The following FAS variants were observed in gnomAD, a reference collection of about 807,000 sequenced individuals.
FAS encodes Fas cell surface death receptor.
In FAS, 5 loss-of-function variants were observed where a neutral mutation model predicts 33.2. The observed-to-expected ratio is 0.15, with a 90% confidence interval of 0.08 to 0.32. The LOEUF is 0.32. Ranked by LOEUF, FAS falls within the 10% of genes least tolerant of loss-of-function variation. The pLI, the probability that FAS is intolerant of heterozygous loss-of-function variation, is 1.00. For synonymous variants in FAS, 131 were observed against 130.7 expected (o/e 1.00, Z -0.01); for missense variants, 339 against 386.0 (o/e 0.88, Z 1.02).
intron 1 of FAS, among the ~76,000 whole-genome samples, chr10:88,972,524 C>T (rs1846471223): frequency 6.6e-6 from 1 of 151,820 alleles, no homozygotes; most frequent in African/African-American, 2.4e-5. Context: ...TCTCTTTCTT[C>T]TCTCCTGCCT....
rs776992408 is a variant in FAS at position 89,014,437 on chromosome 10, A to G, written c.995A>G (p.Gln332Arg). ...SENSNFRNEI[Q>R]SLV ...AATTCAAACTTCAGAAATGAAATCC[A>G]AAGCTTGGTCTAGAGTGAAAAACAA... Residue 332 changes from glutamine to arginine, a missense_variant, in exon 9 of 9, where the codon CAA becomes CGA. By Grantham distance (43) the Gln-to-Arg change is conservative (BLOSUM62 1). Around this residue, in one of 3 missense-constraint regions of FAS, gnomAD observed 52 missense variants for 52.7 expected, o/e 0.99. Transcript: ENST00000652046. 4 of 1,610,000 alleles carry G rather than the reference A, an allele frequency of 2.5e-6. No homozygotes were observed. In the South Asian group the frequency reaches 3.3e-5, roughly 13 times the overall value.
At chr10:88,977,340 A>G (rs940182991) in intron 2 of FAS, among the ~76,000 whole-genome samples, 2 of 150,900 alleles carry the variant, frequency 1.3e-5, no homozygotes, top group Non-Finnish European at 3.0e-5. Context: ...TGATTTTTGT[A>G]TAAGGTGTAA....
intron 4 of FAS, 51 bp downstream of exon 4, chr10:89,009,048 A>C (rs9658754): frequency 1.4e-6 from 2 of 1,471,510 alleles, no homozygotes; most frequent in Non-Finnish European, 1.9e-6. Flanking sequence ...CATGAGAGTT[A>C]TCATTTTCCT....
At chr10:88,990,782 G>A (rs2274355), upstream of FAS, 10,860 of 1,541,802 alleles carry the variant, frequency 7.0e-3, 568 homozygotes, top group African/African-American at 0.12. The surrounding 1 kb of genome is among the most constrained non-coding windows in gnomAD (Gnocchi z 4.9). Context: ...AGCCCTGGCT[G>A]CCCAGGCGGA....
chr10:88,971,493 G>A (rs1443845925), intron 1 of FAS, among the ~76,000 whole-genome samples: 1 of 152,220 alleles, frequency 6.6e-6, no homozygotes, highest in Non-Finnish European at 1.5e-5. Context: ...AGAATGAGTG[G>A]CAGACATATT....
chr10:88,988,595 G>T (rs1288403265), upstream of FAS, among the ~76,000 whole-genome samples: 3 of 152,074 alleles, frequency 2.0e-5, no homozygotes, highest in Non-Finnish European at 4.4e-5. Flanking sequence ...TCCAACATCT[G>T]TTGGAGTGCC....
chr10:88,994,902 T>C (rs1173390188), intron 1 of FAS, among the ~76,000 whole-genome samples: 1 of 151,596 alleles, frequency 6.6e-6, no homozygotes, highest in Non-Finnish European at 1.5e-5. Flanking sequence ...TATATATATA[T>C]GACTTTTTCT....
At chr10:88,982,035 T>C (rs1356967390), upstream of FAS, among the ~76,000 whole-genome samples, 1 of 152,194 alleles carries the variant, frequency 6.6e-6, no homozygotes, top group Non-Finnish European at 1.5e-5. Flanking sequence ...GTCTAACACA[T>C]AGTGAGTGCT....
chr10:89,014,321 A>G lies in FAS; in HGVS notation c.879A>G (p.Thr293=), dbSNP rs1413117342. The change falls in exon 9 of 9, where the codon ACA becomes ACG. Residue 293 remains threonine (T), a synonymous_variant. Transcript: ENST00000652046. ...QLHGKKEAYD[T]LIKDLKKANL... Reference sequence around the variant, plus strand: ...ATGGAAAGAAAGAAGCGTATGACACATTGATTAAAGATCTCAAAAAAGCCA... The same window carrying G: ...ATGGAAAGAAAGAAGCGTATGACACGTTGATTAAAGATCTCAAAAAAGCCA... The G allele has an allele frequency of 1.6e-5, 26 of 1,613,986 alleles. No individual in the cohort carries two copies. Among genetic ancestry groups the G allele is most frequent in the South Asian group, 2.2e-5 (2 of 91,082 alleles).
intron 1 of FAS, among the ~76,000 whole-genome samples, chr10:88,970,351 C>A (rs754384923): frequency 2.6e-5 from 4 of 152,170 alleles, no homozygotes; most frequent in Non-Finnish European, 5.9e-5. Flanking sequence ...GTCCTCTTCG[C>A]TGAGTTCCTT....
chr10:88,997,928 A>G (rs1183480907), intron 1 of FAS, among the ~76,000 whole-genome samples: 1 of 152,218 alleles, frequency 6.6e-6, no homozygotes, highest in Non-Finnish European at 1.5e-5. Context: ...TGCTAATTCT[A>G]GTTCTGAAGA....
intron 2 of FAS, 90 bp from the exon 3 acceptor site, chr10:89,007,610 G>T: frequency 7.4e-6 from 11 of 1,494,284 alleles, no homozygotes; most frequent in Non-Finnish European, 1.0e-5. Context: ...TGTTTTAGAA[G>T]AGTTTTATTG....
chr10:89,012,060 T>C lies in FAS; in HGVS notation c.630T>C (p.His210=), dbSNP rs751973753. The C allele has an allele frequency of 1.1e-5, 17 of 1,613,668 alleles. No homozygotes were observed. Among genetic ancestry groups the C allele is most frequent in the Non-Finnish European group, 1.4e-5 (16 of 1,179,688 alleles). ...ACAGAAAGGAAAACCAAGGTTCTCA[T>C]GAATCTCCAACTTTAAATCCTGTAG... ...RKHRKENQGS[H]ESPTLNPETV... is the part of the protein sequence containing the mutation. Residue 210 remains histidine, a synonymous_variant, in exon 7 of 9, where the codon CAT becomes CAC. Coordinates refer to ENST00000652046, the MANE Select transcript of FAS (RefSeq NM_000043.6).
At chr10:88,993,191 C>T (rs958134358) in intron 1 of FAS, among the ~76,000 whole-genome samples, 5 of 151,982 alleles carry the variant, frequency 3.3e-5, no homozygotes, top group African/African-American at 7.3e-5. Context: ...GTTTTTACTC[C>T]GACACTTACA....
At chr10:88,970,063 G>T (rs1846397942) in intron 1 of FAS, among the ~76,000 whole-genome samples, 1 of 152,138 alleles carries the variant, frequency 6.6e-6, no homozygotes, top group Non-Finnish European at 1.5e-5. Context: ...ATTTAGATGG[G>T]TTTTAGAGAT....
rs1847153532 is a variant in FAS, at chr10:88,991,000, C to G, written c.30+94C>G. On this transcript the variant is annotated intron_variant, in intron 1 of 8. Transcript: ENST00000652046. The surrounding 1 kb of genome is among the most constrained non-coding windows in gnomAD (Gnocchi z 4.9). ...GCGCGGGACGCGTGCGGGATTGCGG[C>G]GGCAGCGGCGCACGCGGGCACCTGG... The G allele has an allele frequency of 6.4e-7, 1 of 1,564,042 alleles. No homozygotes were observed. The highest frequency in any genetic ancestry group is 1.1e-5 in the South Asian group (1 of 89,436).
intron 1 of FAS, among the ~76,000 whole-genome samples, chr10:88,996,971 T>C (rs1847637627): frequency 6.6e-6 from 1 of 152,198 alleles, no homozygotes; most frequent in Non-Finnish European, 1.5e-5. Context: ...ACATTACCCA[T>C]TTCCTCTACC....
intron 2 of FAS, among the ~76,000 whole-genome samples, chr10:88,975,840 G>A (rs546626749): frequency 1.3e-5 from 2 of 152,170 alleles, no homozygotes; most frequent in South Asian, 2.1e-4. Context: ...GCTTAGATTC[G>A]GGGAGTTTTT....
In FAS at chr10:89,007,773, G is replaced by A. The variant is rs745375995; in HGVS notation, c.270G>A (p.Glu90=). The A allele has an allele frequency of 1.7e-5, 28 of 1,613,938 alleles. No homozygotes were observed. Among genetic ancestry groups the A allele is most frequent in the Non-Finnish European group, 2.4e-5 (28 of 1,179,962 alleles). The change falls in exon 3 of 9, where the codon GAG becomes GAA. Residue 90 remains glutamate, a synonymous_variant. Transcript: ENST00000652046. ...PDCVPCQEGK[E]YTDKAHFSSK... is the part of the protein sequence containing the mutation. ...GCGTGCCCTGCCAAGAAGGGAAGGA[G>A]TACACAGACAAAGCCCATTTTTCTT...
Sources: allele counts gnomAD v4.1 joint callset (sites outside exome capture counted in the v4.1 genomes callset), GRCh38; gene constraint gnomAD v4.1.1; regional missense constraint gnomAD v4.1.1; non-coding constraint Gnocchi (gnomAD v3.1); transcripts MANE v1.5; gene names NCBI Gene and HGNC (gene_info 2026-07-23, HGNC 2026-07-21).